The following PTPRM variants were observed in gnomAD, a reference collection of about 807,000 sequenced individuals.
The protein encoded by PTPRM is protein tyrosine phosphatase receptor type M.
Under a neutral mutation model 186.7 loss-of-function variants are expected in PTPRM, and 47 were observed. The observed-to-expected ratio is 0.25, with a 90% CI of 0.20 to 0.32. PTPRM has a LOEUF of 0.32. Ranked by LOEUF, PTPRM falls within the 10% of genes least tolerant of loss-of-function variation. PTPRM has a pLI of 1.00. For synonymous variants in PTPRM, 668 were observed against 674.9 expected (o/e 0.99, Z 0.16); for missense variants, 1,494 against 1,865.0 (o/e 0.80, Z 3.66).
At chr18:7,841,244 G>T (rs146052137) in intron 2 of PTPRM, among the ~76,000 whole-genome samples, 1 of 146,568 alleles carries the variant, frequency 6.8e-6, no homozygotes, top group Non-Finnish European at 1.5e-5. Flanking sequence ...CTAACTTCAG[G>T]TCAGACAGGT....
intron 1 of PTPRM, among the ~76,000 whole-genome samples, chr18:7,628,069 T>A (rs966159405): frequency 6.6e-6 from 1 of 152,100 alleles, no homozygotes; most frequent in Non-Finnish European, 1.5e-5. Flanking sequence ...AAATATGTGG[T>A]GTGAACCTGG....
chr18:8,097,354 A>T (rs1276235991), intron 11 of PTPRM, among the ~76,000 whole-genome samples: 4 of 152,080 alleles, frequency 2.6e-5, no homozygotes, highest in Non-Finnish European at 5.9e-5. Context: ...GCCCAGTTCC[A>T]TCTCATCTCT....
At chr18:8,339,197 G>A (rs768767056) in intron 22 of PTPRM, among the ~76,000 whole-genome samples, 5 of 150,714 alleles carry the variant, frequency 3.3e-5, no homozygotes, top group Admixed American at 1.3e-4. Flanking sequence ...AAAACGTTCC[G>A]CCCCCTTTTT....
At chr18:7,962,326 C>G (rs1484959903) in intron 7 of PTPRM, among the ~76,000 whole-genome samples, 2 of 152,022 alleles carry the variant, frequency 1.3e-5, no homozygotes, top group African/African-American at 2.4e-5. Flanking sequence ...GATTAGTGTT[C>G]CTTCACAGTA....
intron 7 of PTPRM, among the ~76,000 whole-genome samples, chr18:8,019,668 TAAAC>T (rs994783667): frequency 6.6e-5 from 10 of 151,332 alleles, no homozygotes; most frequent in Non-Finnish European, 1.3e-4. Context: ...TATCTGGAAT[TAAAC>T]AAGGAGGATT....
chr18:7,894,638 G>C (rs959739026), intron 3 of PTPRM, among the ~76,000 whole-genome samples: 2 of 151,720 alleles, frequency 1.3e-5, no homozygotes, highest in African/African-American at 4.8e-5. Flanking sequence ...CCAGTATTAT[G>C]TGTGCATGGA....
chr18:7,988,153 C>G (rs1388323517), intron 7 of PTPRM, among the ~76,000 whole-genome samples: 2 of 152,024 alleles, frequency 1.3e-5, no homozygotes, highest in Non-Finnish European at 2.9e-5. Context: ...CTACTGCACT[C>G]CAGCTTGGGT....
chr18:8,107,163 G>A (rs577461104), intron 11 of PTPRM, among the ~76,000 whole-genome samples: 203 of 152,248 alleles, frequency 1.3e-3, no homozygotes, highest in Non-Finnish European at 2.6e-3. Context: ...ATGAAATTGA[G>A]ATGATTAAAT....
chr18:7,939,598 C>T (rs550430324), intron 5 of PTPRM, among the ~76,000 whole-genome samples: 4 of 152,238 alleles, frequency 2.6e-5, no homozygotes, highest in African/African-American at 9.6e-5. Flanking sequence ...GTATTTAACC[C>T]GGTCAGATAT....
intron 1 of PTPRM, among the ~76,000 whole-genome samples, chr18:7,661,910 G>A (rs569857296): frequency 6.6e-6 from 1 of 152,110 alleles, no homozygotes; most frequent in South Asian, 2.1e-4. Context: ...TTTGACAGGT[G>A]TGCTCATGTA....
intron 23 of PTPRM, among the ~76,000 whole-genome samples, chr18:8,360,248 A>AT (rs202131140): frequency 0.012 from 1,753 of 152,294 alleles, 33 homozygotes; most frequent in African/African-American, 0.039. Context: ...CTGCCTCAGA[A>AT]TTTTTTCACT....
intron 14 of PTPRM, among the ~76,000 whole-genome samples, chr18:8,146,868 T>C (rs992950535): frequency 6.6e-6 from 1 of 152,228 alleles, no homozygotes; most frequent in African/African-American, 2.4e-5. Context: ...GTTTTCTGCA[T>C]ATGGCTAGCT....
At chr18:7,887,105 T>G (rs1220799113) in intron 2 of PTPRM, among the ~76,000 whole-genome samples, 1 of 152,218 alleles carries the variant, frequency 6.6e-6, no homozygotes, top group Non-Finnish European at 1.5e-5. Context: ...TTTTTCATTT[T>G]TATACTCCAA....
chr18:7,856,577 GA>G (rs374252381), intron 2 of PTPRM, among the ~76,000 whole-genome samples: 430 of 141,984 alleles, frequency 3.0e-3, no homozygotes, highest in African/African-American at 9.7e-3. Context: ...TGTCTTTGCA[GA>G]AAAAAAAAAA....
intron 23 of PTPRM, chr18:8,366,748 G>T: frequency 6.6e-6 from 1 of 152,366 alleles, no homozygotes. Context: ...GGCAGGGCTC[G>T]GGACTGTTAG....
At position 8,396,234 on chromosome 18, in the gene PTPRM, T is replaced by C. The variant is rs114104826; in HGVS notation, c.4344+1623T>C. 7.7e-3 allele frequency among the ~76,000 whole-genome samples: 1,175 copies of C among 152,352 alleles called. 19 individuals are homozygous for C. Among genetic ancestry groups the C allele is most frequent in the African/African-American group, 0.027 (1,124 of 41,586 alleles). ...TGTCGGCAGAGGCCTGAGTTTGGGC[T>C]AGCAGAGGATAGAAACAAATGCACA... On this transcript the variant is annotated intron_variant, in intron 32 of 32. Coordinates refer to ENST00000580170, the MANE Select transcript of PTPRM (RefSeq NM_001105244.2).
chr18:8,065,799 T>C (rs1009532410), intron 7 of PTPRM, among the ~76,000 whole-genome samples: 1 of 152,216 alleles, frequency 6.6e-6, no homozygotes, highest in African/African-American at 2.4e-5. Context: ...CTTGTAATGC[T>C]GTGCCATGTT....
intron 1 of PTPRM, among the ~76,000 whole-genome samples, chr18:7,720,015 T>C (rs1268776525): frequency 6.6e-6 from 1 of 152,146 alleles, no homozygotes. Flanking sequence ...CTGGGTGAGA[T>C]AGCAAGACCC....
chr18:7,809,785 C>T (rs1234552497), intron 2 of PTPRM, among the ~76,000 whole-genome samples: 1 of 152,126 alleles, frequency 6.6e-6, no homozygotes, highest in African/African-American at 2.4e-5. Context: ...TGATGTTTAT[C>T]TTCCCTTTGA....
Sources: gnomAD v4.1 joint callset for allele counts (sites outside exome capture counted in the v4.1 genomes callset) on GRCh38, gnomAD v4.1.1 for gene constraint, MANE v1.5 for transcripts, NCBI Gene and HGNC (gene_info 2026-07-23, HGNC 2026-07-21) for gene names.